Variants in ITGBL1 observed in about 807,000 individuals in gnomAD.
ITGBL1 encodes integrin subunit beta like 1, also known as integrin beta-like protein 1.
Under a neutral mutation model 68.5 loss-of-function variants are expected in ITGBL1, and 51 were observed. The observed-to-expected ratio is 0.74, with a 90% confidence interval of 0.59 to 0.94. ITGBL1 has a LOEUF of 0.94. Ranked by LOEUF, ITGBL1 falls within the 40% of genes least tolerant of loss-of-function variation. ITGBL1 has a pLI of 0.00. For missense variants in ITGBL1, 649 were observed against 647.4 expected, an observed-to-expected ratio of 1.00 and a Z score of -0.03; for synonymous variants, 209 against 227.3, an observed-to-expected ratio of 0.92 and a Z score of 0.72.
intron 7 of ITGBL1, among the ~76,000 whole-genome samples, chr13:101,628,352 G>T (rs961734363): frequency 6.6e-6 from 1 of 151,618 alleles, no homozygotes; most frequent in Non-Finnish European, 1.5e-5. Context: ...AACTTTATCA[G>T]ATATGTCTTT....
chr13:101,636,459 A>G (rs1190929367), intron 7 of ITGBL1, among the ~76,000 whole-genome samples: 2 of 152,198 alleles, frequency 1.3e-5, no homozygotes. Flanking sequence ...CTCTGGATCA[A>G]TATAAAATCT....
intron 7 of ITGBL1, among the ~76,000 whole-genome samples, chr13:101,603,849 T>A (rs1202509324): frequency 6.6e-6 from 1 of 151,910 alleles, no homozygotes; most frequent in Non-Finnish European, 1.5e-5. Context: ...TTAGAGAACT[T>A]TAGGTACAGT....
chr13:101,699,418 T>C (rs2034079250), intron 8 of ITGBL1, among the ~76,000 whole-genome samples: 1 of 152,194 alleles, frequency 6.6e-6, no homozygotes, highest in African/African-American at 2.4e-5. Flanking sequence ...TTGTAGTTTC[T>C]ATAATCCCCA....
At chr13:101,599,258 C>A (rs545718518) in intron 7 of ITGBL1, among the ~76,000 whole-genome samples, 12 of 151,936 alleles carry the variant, frequency 7.9e-5, no homozygotes, top group Admixed American at 7.2e-4. Flanking sequence ...CTGTTCATAT[C>A]CTTTGCCCAC....
chr13:101,565,607 G>A (rs1239213182), intron 2 of ITGBL1, among the ~76,000 whole-genome samples: 1 of 152,100 alleles, frequency 6.6e-6, no homozygotes, highest in Non-Finnish European at 1.5e-5. Flanking sequence ...GCTAATACAG[G>A]TTATGAGAAA....
chr13:101,633,702 A>G (rs559786319), intron 7 of ITGBL1, among the ~76,000 whole-genome samples: 5 of 152,218 alleles, frequency 3.3e-5, no homozygotes, highest in African/African-American at 1.2e-4. Flanking sequence ...GTTGCAGCTG[A>G]CATGTAACCT....
intron 6 of ITGBL1, among the ~76,000 whole-genome samples, chr13:101,594,862 A>G (rs1360403312): frequency 6.6e-6 from 1 of 152,092 alleles, no homozygotes; most frequent in Non-Finnish European, 1.5e-5. Flanking sequence ...TCAGTTGAGG[A>G]AAGGAGTTGT....
chr13:101,671,441 T>TTTG lies in ITGBL1; in HGVS notation c.1016-21142_1016-21141insGTT, dbSNP rs1555365713. 8.7e-5 allele frequency among the ~76,000 whole-genome samples: 8 copies of TTTG among 91,816 alleles called. 1 individual carries two copies. Among genetic ancestry groups the TTTG allele is most frequent in the South Asian group, 9.5e-4 (2 of 2,116 alleles). The allele number at this position is 91,816 out of a possible 152,430, so 60.2% of individuals were successfully genotyped here. On this transcript the variant is annotated intron_variant, in intron 7 of 10. Coordinates refer to ENST00000376180, the MANE Select transcript of ITGBL1 (RefSeq NM_004791.3). Reference sequence around the variant, plus strand: ...GTATACCTTTGTTTTTTTTTTGTTTTTTTTTGTTTTTTTTTGAGACGGAGT... The same window carrying TTTG: ...GTATACCTTTGTTTTTTTTTTGTTTTTTGTTTTTGTTTTTTTTTGAGACGGAGT...
At chr13:101,602,156 C>T (rs530101878) in intron 7 of ITGBL1, among the ~76,000 whole-genome samples, 2 of 152,048 alleles carry the variant, frequency 1.3e-5, no homozygotes, top group Non-Finnish European at 2.9e-5. Context: ...TTAAAGTTTT[C>T]TGAATGAGAC....
chr13:101,465,018 A>T (rs2048364903), intron 2 of ITGBL1, among the ~76,000 whole-genome samples: 1 of 152,186 alleles, frequency 6.6e-6, no homozygotes, highest in Non-Finnish European at 1.5e-5. Context: ...TGCCATGAAA[A>T]CAATGACGTA....
chr13:101,524,771 G>C (rs924898508), intron 2 of ITGBL1, among the ~76,000 whole-genome samples: 28 of 151,412 alleles, frequency 1.8e-4, no homozygotes, highest in Admixed American at 7.9e-4. Context: ...GAAAGATATT[G>C]GTGGTCATTA....
chr13:101,488,729 T>A (rs1019492567), intron 2 of ITGBL1, among the ~76,000 whole-genome samples: 1 of 152,194 alleles, frequency 6.6e-6, no homozygotes, highest in Non-Finnish European at 1.5e-5. Flanking sequence ...AGCAATAATT[T>A]TGCGTCTTCC....
chr13:101,654,126 C>A (rs1273090331), intron 7 of ITGBL1, among the ~76,000 whole-genome samples: 1 of 151,942 alleles, frequency 6.6e-6, no homozygotes, highest in African/African-American at 2.4e-5. Context: ...GCCAAGTTTG[C>A]CGATTTCAGG....
chr13:101,510,017 C>T (rs576574670), intron 2 of ITGBL1, among the ~76,000 whole-genome samples: 1 of 152,028 alleles, frequency 6.6e-6, no homozygotes, highest in Non-Finnish European at 1.5e-5. Context: ...TTTAGGAGTA[C>T]TAGCTTTAAT....
At chr13:101,669,336 CA>C (rs1054689142) in intron 7 of ITGBL1, among the ~76,000 whole-genome samples, 17 of 151,642 alleles carry the variant, frequency 1.1e-4, no homozygotes, top group Admixed American at 1.1e-3. Flanking sequence ...ATTGTGTGGT[CA>C]GAATGATAAA....
chr13:101,469,245 A>G (rs1259312520), intron 2 of ITGBL1, among the ~76,000 whole-genome samples: 2 of 152,212 alleles, frequency 1.3e-5, no homozygotes, highest in Admixed American at 6.5e-5. Flanking sequence ...AACAGTTTTG[A>G]ATGGATCATC....
intron 2 of ITGBL1, among the ~76,000 whole-genome samples, chr13:101,483,248 C>T (rs1231655943): frequency 6.6e-6 from 1 of 152,180 alleles, no homozygotes; most frequent in East Asian, 1.9e-4. Flanking sequence ...CAGGGAGTAT[C>T]TCTGTCCTTC....
At chr13:101,672,566 G>T (rs1185278975) in intron 7 of ITGBL1, among the ~76,000 whole-genome samples, 2 of 152,070 alleles carry the variant, frequency 1.3e-5, no homozygotes, top group Non-Finnish European at 2.9e-5. Context: ...TAAGATTAGG[G>T]TGGGGCGACC....
chr13:101,629,415 A>G (rs1237397434), intron 7 of ITGBL1, among the ~76,000 whole-genome samples: 1 of 152,072 alleles, frequency 6.6e-6, no homozygotes, highest in Non-Finnish European at 1.5e-5. Context: ...CACTGCATAC[A>G]GTTTAATGCC....
Sources: gnomAD v4.1 joint callset for allele counts (sites outside exome capture counted in the v4.1 genomes callset) on GRCh38, gnomAD v4.1.1 for gene constraint, MANE v1.5 for transcripts, NCBI Gene and HGNC (gene_info 2026-07-23, HGNC 2026-07-21) for gene names.